HIPK3: variants seen among roughly 807,000 people sequenced by gnomAD.
The protein encoded by HIPK3 is homeodomain interacting protein kinase 3, also known as homeodomain-interacting protein kinase 3.
In HIPK3, 47 loss-of-function variants were observed where a neutral mutation model predicts 124.2. That is an observed-to-expected ratio of 0.38 (90% confidence interval 0.30 to 0.48). HIPK3 has a LOEUF of 0.48. Among genes scored for constraint, HIPK3 ranks in the 20% least tolerant of loss-of-function variants. The pLI, the probability that HIPK3 is intolerant of heterozygous loss-of-function variation, is 0.98. For missense variants in HIPK3, 1,286 were observed against 1,454.3 expected, an observed-to-expected ratio of 0.88 and a Z score of 1.88; for synonymous variants, 482 against 515.2, an observed-to-expected ratio of 0.94 and a Z score of 0.87.
chr11:33,270,058 A>C (rs1168032566), intron 1 of HIPK3, among the ~76,000 whole-genome samples: 1 of 152,094 alleles, frequency 6.6e-6, no homozygotes, highest in East Asian at 1.9e-4. Flanking sequence ...GCTCACTGCA[A>C]CCTCTGAATC....
At chr11:33,290,750 G>C (rs1851677869) in intron 2 of HIPK3, among the ~76,000 whole-genome samples, 1 of 151,722 alleles carries the variant, frequency 6.6e-6, no homozygotes, top group South Asian at 2.1e-4. Context: ...TATGATACTG[G>C]TTTCTAGCAT....
At chr11:33,290,314 C>T (rs952846489) in intron 2 of HIPK3, among the ~76,000 whole-genome samples, 17 of 151,820 alleles carry the variant, frequency 1.1e-4, no homozygotes, top group South Asian at 4.2e-4. Flanking sequence ...ATCTGTGCTC[C>T]GCAAAAGATT....
intron 1 of HIPK3, among the ~76,000 whole-genome samples, chr11:33,260,177 A>G (rs1270511583): frequency 1.3e-5 from 2 of 152,130 alleles, no homozygotes; most frequent in Non-Finnish European, 2.9e-5. Context: ...CATACTCTTA[A>G]CTTTTTGGAT....
chr11:33,325,533 T>A (rs984085553), intron 2 of HIPK3, among the ~76,000 whole-genome samples: 4 of 152,226 alleles, frequency 2.6e-5, no homozygotes, highest in Non-Finnish European at 5.9e-5. Context: ...TGAATCTTTT[T>A]TAGTATAGGT....
At chr11:33,265,422 A>G (rs1006294650) in intron 1 of HIPK3, among the ~76,000 whole-genome samples, 2 of 152,350 alleles carry the variant, frequency 1.3e-5, no homozygotes, top group East Asian at 3.9e-4. Context: ...GACTGTGGCC[A>G]CAAAAAAGAT....
chr11:33,351,308 A>G (rs1486947178), intron 14 of HIPK3, among the ~76,000 whole-genome samples: 1 of 152,218 alleles, frequency 6.6e-6, no homozygotes, highest in African/African-American at 2.4e-5. Flanking sequence ...TCTGGAATTT[A>G]TAAAGAGGAA....
chr11:33,329,063 T>C (rs925582537), intron 3 of HIPK3, among the ~76,000 whole-genome samples: 4 of 152,214 alleles, frequency 2.6e-5, no homozygotes, highest in Admixed American at 2.6e-4. Flanking sequence ...CTTGAACTCT[T>C]CTCAGTCTTT....
intron 2 of HIPK3, among the ~76,000 whole-genome samples, chr11:33,326,343 C>G (rs1852810842): frequency 6.6e-6 from 1 of 152,176 alleles, no homozygotes. Flanking sequence ...TTGAGAACCA[C>G]TGCCTTAGGA....
rs200902067 is a variant in HIPK3, at chr11:33,261,182, ATATAT to A, written c.-3+3299_-3+3303del. 5.2e-3 allele frequency among the ~76,000 whole-genome samples: 760 copies of A among 147,208 alleles called. 5 individuals are homozygous for A. The highest frequency in any genetic ancestry group is 0.017 in the African/African-American group (702 of 40,626). ...ATATATATAATACATTATATAAAAT[ATATAT>A]TATATATAAATATATATGTATTTTT... On this transcript the variant is annotated intron_variant, in intron 1 of 16. Transcript: ENST00000303296.
In HIPK3 at chr11:33,287,078, A is replaced by G. The variant is rs764361772; in HGVS notation, c.664A>G (p.Ile222Val). 6.2e-7 allele frequency: 1 copy of G among 1,614,208 alleles called. No homozygotes were observed. The highest frequency in any genetic ancestry group is 1.1e-5 in the South Asian group (1 of 91,086). ...ATGCTGGAAAAGAGGGACAAATGAAATTGTAGCAATCAAAATTTTGAAGAA... is the reference window on the plus strand; with the variant it reads ...ATGCTGGAAAAGAGGGACAAATGAAGTTGTAGCAATCAAAATTTTGAAGAA... ...VKCWKRGTNE[I>V]VAIKILKNHP... Residue 222 changes from isoleucine (I) to valine (V), a missense_variant, in exon 2 of 17, where the codon ATT (isoleucine) becomes GTT (valine). By Grantham distance (29) the Ile-to-Val change is conservative. Transcript: ENST00000303296.
intron 2 of HIPK3, among the ~76,000 whole-genome samples, chr11:33,300,042 AAAG>A (rs1333548215): frequency 6.8e-6 from 1 of 147,106 alleles, no homozygotes; most frequent in African/African-American, 2.5e-5. Flanking sequence ...AAAAAAAAAA[AAAG>A]AAAGAAAGAA....
chr11:33,310,257 TGTC>T (rs1440335099), intron 2 of HIPK3, among the ~76,000 whole-genome samples: 3 of 139,182 alleles, frequency 2.2e-5, no homozygotes, highest in Admixed American at 1.4e-4. Context: ...TCTGTCTGTC[TGTC>T]TGTCTGTCTG....
chr11:33,283,918 G>C lies in HIPK3; in HGVS notation c.-2-2495G>C, dbSNP rs531119328. On this transcript the variant is annotated intron_variant, in intron 1 of 16. Transcript: ENST00000303296. Reference sequence around the variant, plus strand: ...TCGAGTTCCTGACCTCAAGTGATCTGCCCGCCTCGGCCTCCCAAAGTGCTG... The same window carrying C: ...TCGAGTTCCTGACCTCAAGTGATCTCCCCGCCTCGGCCTCCCAAAGTGCTG... 1.4e-3 allele frequency among the ~76,000 whole-genome samples: 219 copies of C among 152,052 alleles called. 2 individuals carry two copies. Among genetic ancestry groups the C allele is most frequent in the African/African-American group, 5.0e-3 (207 of 41,514 alleles).
rs1851574563 is a variant in HIPK3, at chr11:33,286,981, C to T, written c.567C>T (p.Val189=). Residue 189 remains valine (V), a synonymous_variant, in exon 2 of 17, where the codon GTC becomes GTT. Coordinates refer to ENST00000303296, the MANE Select transcript of HIPK3 (RefSeq NM_005734.5). ...EGDYQLVQHE[V]LCSMKNTYEV... Reference sequence around the variant, plus strand: ...ACTATCAGTTAGTACAGCATGAAGTCTTATGCTCCATGAAAAATACTTACG... The same window carrying T: ...ACTATCAGTTAGTACAGCATGAAGTTTTATGCTCCATGAAAAATACTTACG... 1 of 1,613,710 alleles carries T rather than the reference C, an allele frequency of 6.2e-7. No homozygotes were observed. Among genetic ancestry groups the T allele is most frequent in the Admixed American group, 1.7e-5 (1 of 59,996 alleles).
At chr11:33,263,078 C>T (rs1320603873) in intron 1 of HIPK3, among the ~76,000 whole-genome samples, 1 of 152,182 alleles carries the variant, frequency 6.6e-6, no homozygotes, top group Non-Finnish European at 1.5e-5. Flanking sequence ...CTTTGTTGCT[C>T]TGGCTGGTCT....
chr11:33,296,503 A>G (rs4406804), intron 2 of HIPK3, among the ~76,000 whole-genome samples: 44,200 of 152,146 alleles, frequency 0.29, 7,328 homozygotes, highest in Middle Eastern at 0.42. Context: ...TCACATATAC[A>G]TGCTTTTTAC....
chr11:33,313,939 C>T (rs556798732), intron 2 of HIPK3, among the ~76,000 whole-genome samples: 170 of 152,054 alleles, frequency 1.1e-3, no homozygotes, highest in African/African-American at 3.9e-3. Flanking sequence ...ACTTTGTGAG[C>T]TCATGCAATC....
intron 8 of HIPK3, 112 bp downstream of exon 8, chr11:33,341,798 A>G: frequency 2.0e-6 from 2 of 1,017,482 alleles, no homozygotes; most frequent in Admixed American, 2.4e-5. Flanking sequence ...TTAGTGCTAC[A>G]TTTGAATTTA....
chr11:33,274,648 A>AT lies in HIPK3; in HGVS notation c.-2-11759dup, dbSNP rs546878586. The stretch of plus-strand genomic sequence containing the variant: ...CTTTCTGTCAGGGTTTCCATTTCTG[A>AT]TTTTTTATTTTATATAGCTTTTAAA... On this transcript the variant is annotated intron_variant, in intron 1 of 16. Coordinates refer to ENST00000303296, the MANE Select transcript of HIPK3 (RefSeq NM_005734.5). Among the ~76,000 whole-genome samples, 1,429 of 152,130 alleles carry AT rather than the reference A, an allele frequency of 9.4e-3. 7 individuals carry two copies. Among genetic ancestry groups the AT allele is most frequent in the Non-Finnish European group, 0.014 (969 of 67,982 alleles).
Sources: gnomAD v4.1 joint callset for allele counts (sites outside exome capture counted in the v4.1 genomes callset) on GRCh38, gnomAD v4.1.1 for gene constraint, MANE v1.5 for transcripts, NCBI Gene and HGNC (gene_info 2026-07-23, HGNC 2026-07-21) for gene names.